UCHL1: variants seen among roughly 807,000 people sequenced by gnomAD.
UCHL1 encodes ubiquitin C-terminal hydrolase L1, also known as ubiquitin carboxyl-terminal hydrolase isozyme L1.
A neutral mutation model predicts 33.3 loss-of-function variants in UCHL1; 5 were observed. The observed-to-expected ratio is 0.15, with a 90% CI of 0.08 to 0.32. UCHL1 has a LOEUF of 0.32. UCHL1 is among the 10% of genes least tolerant of loss of function. The pLI, the probability that UCHL1 is intolerant of heterozygous loss-of-function variation, is 1.00. For missense variants in UCHL1, 236 were observed against 280.0 expected (o/e 0.84, Z 1.12); for synonymous variants, 132 against 108.8 (o/e 1.21, Z -1.33).
intron 3 of UCHL1, 92 bp downstream of exon 3, chr4:41,257,829 C>A: frequency 6.8e-7 from 1 of 1,471,910 alleles, no homozygotes; most frequent in Non-Finnish European, 9.0e-7. Context: ...CGCCCCCTCC[C>A]CTGTAGGTGA....
At chr4:41,262,067 C>A in intron 6 of UCHL1, 144 bp downstream of exon 6, 1 of 1,187,060 alleles carries the variant, frequency 8.4e-7, no homozygotes, top group Non-Finnish European at 1.2e-6. Context: ...CCAAATAATG[C>A]TTTGACTAGA....
chr4:41,265,301 A>G (rs1395309230), intron 8 of UCHL1, among the ~76,000 whole-genome samples: 1 of 152,248 alleles, frequency 6.6e-6, no homozygotes, highest in Non-Finnish European at 1.5e-5. Context: ...TAGTCTGGCA[A>G]GGTGCAGTGG....
intron 8 of UCHL1, among the ~76,000 whole-genome samples, chr4:41,264,781 T>C (rs1781126469): frequency 6.6e-6 from 1 of 152,192 alleles, no homozygotes; most frequent in Non-Finnish European, 1.5e-5. Flanking sequence ...TTGAATCAAT[T>C]TGCTATTATA....
At chr4:41,265,570 C>G (rs1250557093) in intron 8 of UCHL1, among the ~76,000 whole-genome samples, 1 of 149,776 alleles carries the variant, frequency 6.7e-6, no homozygotes, top group Non-Finnish European at 1.5e-5. Context: ...CAGAGCAAGA[C>G]TCTGTCTCAG....
chr4:41,265,593 A>G (rs1781139431), intron 8 of UCHL1, among the ~76,000 whole-genome samples: 1 of 152,106 alleles, frequency 6.6e-6, no homozygotes, highest in Admixed American at 6.5e-5. Context: ...GAAAAAAAAG[A>G]AAAGTTAGTC....
At position 41,257,573 on chromosome 4, in the gene UCHL1, C is replaced by G. The variant is rs747771091; in HGVS notation, c.46-36C>G. 145 of 1,484,594 alleles carry G rather than the reference C, an allele frequency of 9.8e-5. 2 individuals are homozygous for G. The highest frequency in any genetic ancestry group is 8.0e-6 in the Non-Finnish European group (9 of 1,124,948). The allele number at this position is 1,484,594 out of a possible 1,614,324, so 92.0% of individuals were successfully genotyped here. A position where few individuals can be genotyped will look rare whatever the true frequency, so the allele number is the denominator to read the frequency against. On this transcript the variant is annotated intron_variant, in intron 2 of 8. Coordinates refer to ENST00000284440, the MANE Select transcript of UCHL1 (RefSeq NM_004181.5). Reference sequence around the variant, plus strand: ...TGGCAGGTGCCCGCGACCCGCGTGTCCCCGTGCGCCTGGCCGCCTTGTCTC... The same window carrying G: ...TGGCAGGTGCCCGCGACCCGCGTGTGCCCGTGCGCCTGGCCGCCTTGTCTC...
intron 4 of UCHL1, 21 bp from the exon 5 acceptor site, chr4:41,261,694 C>T: frequency 6.3e-7 from 1 of 1,597,460 alleles, no homozygotes; most frequent in African/African-American, 1.4e-5. Flanking sequence ...CCTATACTAA[C>T]ACATCCATTT....
At position 41,260,692 on chromosome 4, in the gene UCHL1, G is replaced by C; in HGVS notation, c.220G>C (p.Glu74Gln). The C allele has an allele frequency of 6.2e-7, 1 of 1,614,272 alleles. No individual in the cohort carries two copies. Among genetic ancestry groups the C allele is most frequent in the South Asian group, 1.1e-5 (1 of 91,086 alleles). Residue 74 changes from glutamate (E) to glutamine (Q), a missense_variant, in exon 4 of 9, where the codon GAA (glutamate) becomes CAA (glutamine). Coordinates refer to ENST00000284440, the MANE Select transcript of UCHL1 (RefSeq NM_004181.5). ...GCAGATTGAAGAGCTGAAGGGACAA[G>C]AAGTTAGTCCTAAAGTGTACTTCAT... ...KKQIEELKGQEVSPKVYFMKQ... is the reference protein window; with the variant it reads ...KKQIEELKGQQVSPKVYFMKQ...
intron 8 of UCHL1, among the ~76,000 whole-genome samples, chr4:41,266,226 CTTTTTTT>C (rs71650920): frequency 2.2e-5 from 3 of 136,804 alleles, no homozygotes; most frequent in South Asian, 2.3e-4. Flanking sequence ...CTGGCTAAAA[CTTTTTTT>C]TTTTTTTTTT....
At chr4:41,258,634 C>CCCCAAG in intron 3 of UCHL1, among the ~76,000 whole-genome samples, 1 of 152,230 alleles carries the variant, frequency 6.6e-6, no homozygotes, top group Non-Finnish European at 1.5e-5. Context: ...CTGAAATTAG[C>CCCCAAG]TTTAGCAAAA....
chr4:41,265,559 A>C (rs1257830395), intron 8 of UCHL1, among the ~76,000 whole-genome samples: 1 of 151,678 alleles, frequency 6.6e-6, no homozygotes, highest in Non-Finnish European at 1.5e-5. Flanking sequence ...AGTCTGGGCA[A>C]CAGAGCAAGA....
At chr4:41,267,467 C>T (rs190779106) in intron 8 of UCHL1, among the ~76,000 whole-genome samples, 98 of 152,226 alleles carry the variant, frequency 6.4e-4, no homozygotes, top group African/African-American at 2.3e-3. Context: ...AGGATGGTCT[C>T]TATCTCCCAG....
At chr4:41,266,834 T>A (rs1321157788) in intron 8 of UCHL1, among the ~76,000 whole-genome samples, 3 of 152,140 alleles carry the variant, frequency 2.0e-5, no homozygotes, top group African/African-American at 7.2e-5. Flanking sequence ...CTTGAACTCC[T>A]GAGCTCAAGT....
chr4:41,260,927 T>G, intron 4 of UCHL1, 130 bp downstream of exon 4: 1 of 1,311,784 alleles, frequency 7.6e-7, no homozygotes, highest in Non-Finnish European at 1.1e-6. Context: ...TGTCAGACAC[T>G]TAATCTGACT....
At chr4:41,265,360 T>C (rs1232793005) in intron 8 of UCHL1, among the ~76,000 whole-genome samples, 2 of 152,194 alleles carry the variant, frequency 1.3e-5, no homozygotes, top group Admixed American at 6.5e-5. Context: ...GGAGGATTGC[T>C]TGAGCTCAGG....
At chr4:41,257,565 C>T in intron 2 of UCHL1, 44 bp from the exon 3 acceptor site, 4 of 1,466,084 alleles carry the variant, frequency 2.7e-6, no homozygotes, top group Non-Finnish European at 2.7e-6. Flanking sequence ...TGCCCGCGAC[C>T]CGCGTGTCCC....
In UCHL1 at chr4:41,257,756, G is replaced by C. The variant is rs760479916; in HGVS notation, c.174+19G>C. 5 of 1,561,060 alleles carry C rather than the reference G, an allele frequency of 3.2e-6. No homozygotes were observed. The Admixed American group carries it at 9.2e-5, about 29-fold the overall frequency. On this transcript the variant is annotated intron_variant, in intron 3 of 8. Coordinates refer to ENST00000284440, the MANE Select transcript of UCHL1 (RefSeq NM_004181.5). ...GGCCCAGGTAGGGCGTGGGGCCCAG[G>C]ATGCGCCGGCCGCCGGCAGTGCACG...
intron 8 of UCHL1, 152 bp from the exon 9 acceptor site, chr4:41,267,835 T>G (rs1781178612): frequency 4.2e-6 from 3 of 717,810 alleles, no homozygotes; most frequent in Non-Finnish European, 7.4e-6. Context: ...ATCACCTGAT[T>G]TTTTGCTTTA....
intron 7 of UCHL1, 151 bp downstream of exon 7, chr4:41,263,442 C>G: frequency 1.3e-6 from 1 of 793,824 alleles, no homozygotes; most frequent in South Asian, 1.5e-5. Context: ...GGCACTTAAC[C>G]CCTTATCATC....
Sources: gnomAD v4.1 joint callset for allele counts (sites outside exome capture counted in the v4.1 genomes callset) on GRCh38, gnomAD v4.1.1 for gene constraint, MANE v1.5 for transcripts, NCBI Gene and HGNC (gene_info 2026-07-23, HGNC 2026-07-21) for gene names.